LAMC1: variants seen among roughly 807,000 people sequenced by gnomAD.
LAMC1 encodes laminin subunit gamma-1.
Under a neutral mutation model 173.6 loss-of-function variants are expected in LAMC1, and 38 were observed. The observed-to-expected ratio is 0.22, with a 90% confidence interval of 0.17 to 0.29. The LOEUF (loss-of-function observed/expected upper bound fraction) is 0.29. LAMC1 is among the 10% of genes least tolerant of loss of function. The probability of loss-of-function intolerance (pLI) is 1.00; values close to 1 mark genes in which losing one functional copy is unlikely to be tolerated. For synonymous variants in LAMC1, 746 were observed against 749.1 expected, an observed-to-expected ratio of 1.00 and a Z score of 0.07; for missense variants, 1,824 against 2,051.8, an observed-to-expected ratio of 0.89 and a Z score of 2.14.
At chr1:183,096,067 A>G (rs1655685527) in intron 1 of LAMC1, among the ~76,000 whole-genome samples, 2 of 152,184 alleles carry the variant, frequency 1.3e-5, no homozygotes, top group Admixed American at 6.5e-5. Context: ...TGAAGTGTAT[A>G]TGGCATTTTG....
rs1653590687 is a variant in LAMC1, at chr1:183,023,583, C to T, written c.-134C>T. 1 of 608,422 alleles carries T rather than the reference C, an allele frequency of 1.6e-6. No homozygotes were observed. The highest frequency in any genetic ancestry group is 6.2e-4 in the Middle Eastern group (1 of 1,608). 37.7% of individuals were successfully genotyped at this position (608,422 alleles called of 1,614,324 possible). ...TCAGTCTCTCCGGCGCGAGCCGCCG[C>T]CACCGCCCGCGCCGGAGTCAGGCCC... On this transcript the variant is annotated 5_prime_UTR_variant, in exon 1 of 28. Transcript: ENST00000258341.
intron 1 of LAMC1, among the ~76,000 whole-genome samples, chr1:183,099,658 G>A (rs907933565): frequency 2.6e-5 from 4 of 152,062 alleles, no homozygotes; most frequent in Non-Finnish European, 5.9e-5. Context: ...GAATGTTTGT[G>A]CACCTCAGGG....
chr1:183,052,402 C>T (rs915185650), intron 1 of LAMC1, among the ~76,000 whole-genome samples: 2 of 151,968 alleles, frequency 1.3e-5, no homozygotes, highest in Non-Finnish European at 2.9e-5. Flanking sequence ...GGCATGATCT[C>T]GGCTCAATGC....
intron 20 of LAMC1, among the ~76,000 whole-genome samples, chr1:183,132,092 A>G (rs1445745016): frequency 1.3e-5 from 2 of 152,184 alleles, no homozygotes; most frequent in Non-Finnish European, 2.9e-5. Flanking sequence ...TAAGGTCAGG[A>G]GTTTGAGACC....
At chr1:183,045,683 C>T (rs1051151164) in intron 1 of LAMC1, among the ~76,000 whole-genome samples, 10 of 151,990 alleles carry the variant, frequency 6.6e-5, no homozygotes, top group South Asian at 2.1e-4. Context: ...ATTCTCTCTA[C>T]CTGGGTTGCT....
In LAMC1 at chr1:183,125,541, G is replaced by A. The variant is rs375816080; in HGVS notation, c.2792G>A (p.Gly931Asp). ...PGFYNLQSGQGCERCDCHALG... is the reference protein window; with the variant it reads ...PGFYNLQSGQDCERCDCHALG... ...TTCTACAATCTGCAGAGTGGGCAAG[G>A]CTGTGAGAGGTGAGACATAGGTGCC... is the stretch of plus-strand genomic sequence containing the variant. The change falls in exon 15 of 28, where the codon GGC becomes GAC. Residue 931 changes from glycine (G) to aspartate (D), a missense_variant. Transcript: ENST00000258341. The A allele has an allele frequency of 3.8e-6, 6 of 1,584,878 alleles. No individual in the cohort carries two copies. Among genetic ancestry groups the A allele is most frequent in the Non-Finnish European group, 5.1e-6 (6 of 1,166,520 alleles).
chr1:183,072,854 A>G (rs1041551586), intron 1 of LAMC1, among the ~76,000 whole-genome samples: 3 of 152,166 alleles, frequency 2.0e-5, no homozygotes, highest in Non-Finnish European at 2.9e-5. Flanking sequence ...CGTGCTCTTT[A>G]TGAGAATCTA....
chr1:183,029,483 T>G (rs1653790544), intron 1 of LAMC1, among the ~76,000 whole-genome samples: 1 of 152,228 alleles, frequency 6.6e-6, no homozygotes, highest in Non-Finnish European at 1.5e-5. Context: ...CAGTGGTTCC[T>G]CAAGGTTTTA....
At position 183,028,684 on chromosome 1, in the gene LAMC1, G is replaced by A. The variant is rs145544331; in HGVS notation, c.418+4550G>A. Among the ~76,000 whole-genome samples the A allele has an allele frequency of 4.6e-5, 7 of 152,318 alleles. No individual in the cohort carries two copies. In the South Asian group the frequency reaches 1.2e-3, roughly 27 times the overall value. On this transcript the variant is annotated intron_variant, in intron 1 of 27. Transcript: ENST00000258341. ...TTCTAAGCCACTTTTAAAATTTCAT[G>A]TATACCCTGGTTCAGAGATACCAGA... is the stretch of plus-strand genomic sequence containing the variant.
intron 6 of LAMC1, among the ~76,000 whole-genome samples, chr1:183,116,341 G>A (rs1656320599): frequency 1.3e-5 from 2 of 151,994 alleles, no homozygotes; most frequent in Non-Finnish European, 2.9e-5. Flanking sequence ...GCTGGGTGTG[G>A]TGGCGTGCGC....
chr1:183,138,344 C>A, intron 26 of LAMC1: 2 of 253,126 alleles, frequency 7.9e-6, no homozygotes, highest in Non-Finnish European at 1.2e-5. Flanking sequence ...ACAAAATTGA[C>A]TTGTCAATGG....
intron 1 of LAMC1, among the ~76,000 whole-genome samples, chr1:183,031,573 G>C (rs1178664206): frequency 6.6e-6 from 1 of 152,128 alleles, no homozygotes; most frequent in Non-Finnish European, 1.5e-5. Context: ...CAAAGTGCTG[G>C]GATTACAGGC....
At chr1:183,125,331 T>G in intron 14 of LAMC1, 66 bp from the exon 15 acceptor site, 2 of 1,541,160 alleles carry the variant, frequency 1.3e-6, no homozygotes, top group Non-Finnish European at 1.8e-6. Context: ...CTCTTTAGGT[T>G]GTTTATATTT....
At chr1:183,031,997 T>A (rs1176039055) in intron 1 of LAMC1, among the ~76,000 whole-genome samples, 1 of 152,166 alleles carries the variant, frequency 6.6e-6, no homozygotes, top group East Asian at 1.9e-4. Flanking sequence ...TTTCTTGTGA[T>A]ATAAAGTTAG....
At chr1:183,123,885 T>G (rs903253173) in intron 13 of LAMC1, among the ~76,000 whole-genome samples, 1 of 152,162 alleles carries the variant, frequency 6.6e-6, no homozygotes, top group Non-Finnish European at 1.5e-5. Flanking sequence ...CCCAGAAATT[T>G]GAGTCTAATT....
intron 1 of LAMC1, among the ~76,000 whole-genome samples, chr1:183,081,915 T>TC (rs1204220417): frequency 2.6e-5 from 4 of 152,142 alleles, no homozygotes; most frequent in African/African-American, 9.7e-5. Flanking sequence ...CCTTCTCTCC[T>TC]CCCCCACCTC....
chr1:183,042,376 T>G (rs1654159189), intron 1 of LAMC1, among the ~76,000 whole-genome samples: 1 of 152,186 alleles, frequency 6.6e-6, no homozygotes, highest in African/African-American at 2.4e-5. Context: ...GTGTATTATC[T>G]GCCACCAGAG....
In LAMC1 at chr1:183,023,869, G is replaced by A. The variant is rs932612799; in HGVS notation, c.153G>A (p.Met51Ile). 6.2e-7 allele frequency: 1 copy of A among 1,611,962 alleles called. No individual in the cohort carries two copies. The change falls in exon 1 of 28, where the codon ATG becomes ATA. Residue 51 changes from methionine (M) to isoleucine (I), a missense_variant. Physicochemically the swap from Met to Ile is conservative, Grantham distance 10. Coordinates refer to ENST00000258341, the MANE Select transcript of LAMC1 (RefSeq NM_002293.4). ...AGGGCGGGCGGCCGCAGCGCTGCAT[G>A]CCCGAGTTCGTCAACGCCGCCTTCA... ...TDEGGRPQRC[M>I]PEFVNAAFNV...
intron 1 of LAMC1, among the ~76,000 whole-genome samples, chr1:183,049,359 G>C (rs981127188): frequency 6.6e-6 from 1 of 152,052 alleles, no homozygotes; most frequent in African/African-American, 2.4e-5. Flanking sequence ...TGTGGTAAAA[G>C]AAATCTAATT....
Sources: allele counts gnomAD v4.1 joint callset (sites outside exome capture counted in the v4.1 genomes callset), GRCh38; gene constraint gnomAD v4.1.1; transcripts MANE v1.5; gene names NCBI Gene and HGNC (gene_info 2026-07-23, HGNC 2026-07-21).